Variants in GTF2A2 observed in about 807,000 individuals in gnomAD.
GTF2A2 encodes transcription initiation factor IIA subunit 2.
A neutral mutation model predicts 14.3 loss-of-function variants in GTF2A2; 9 were observed. That is an observed-to-expected ratio of 0.63 (90% confidence interval 0.38 to 1.10). The LOEUF is 1.10. Ranked by LOEUF, GTF2A2 falls within the 50% of genes least tolerant of loss-of-function variation. The probability of loss-of-function intolerance (pLI) is 0.01; values close to 1 mark genes in which losing one functional copy is unlikely to be tolerated. For synonymous variants in GTF2A2, 56 were observed against 46.0 expected, an observed-to-expected ratio of 1.22 and a Z score of -0.88; for missense variants, 90 against 124.6, an observed-to-expected ratio of 0.72 and a Z score of 1.32.
At position 59,638,841 on chromosome 15, in the gene GTF2A2, C is replaced by T. The variant is rs1177093640; in HGVS notation, c.*291G>A. The T allele has an allele frequency of 3.2e-6, 1 of 311,638 alleles. No individual in the cohort carries two copies. The highest frequency in any genetic ancestry group is 5.9e-6 in the Non-Finnish European group (1 of 169,048). The allele number at this position is 311,638 out of a possible 1,614,324, so 19.3% of individuals were successfully genotyped here. A position where few individuals can be genotyped will look rare whatever the true frequency, so the allele number is the denominator to read the frequency against. ...ATTATCTAATATCTTCATATTGCTA[C>T]CTTAATAGCTTCACCAGTTATTACT... On this transcript the variant is annotated 3_prime_UTR_variant, in exon 5 of 5. Coordinates refer to ENST00000396060, the MANE Select transcript of GTF2A2 (RefSeq NM_004492.3).
At chr15:59,648,460 C>G (rs986612283) in intron 3 of GTF2A2, among the ~76,000 whole-genome samples, 5 of 100,730 alleles carry the variant, frequency 5.0e-5, no homozygotes, top group Non-Finnish European at 1.0e-4. Context: ...GTTACAAATA[C>G]TACTTCAATC....
chr15:59,640,276 C>T (rs1334556835), intron 4 of GTF2A2: 2 of 152,040 alleles, frequency 1.3e-5, no homozygotes, highest in Non-Finnish European at 2.9e-5. Context: ...AAGAGAAACA[C>T]ACTCTAAGGA....
intron 4 of GTF2A2, among the ~76,000 whole-genome samples, chr15:59,639,553 CG>C (rs564780375): frequency 6.6e-6 from 1 of 151,226 alleles, no homozygotes; most frequent in Non-Finnish European, 1.5e-5. Context: ...CTCTGCCCCC[CG>C]GGGGTTCACG....
chr15:59,656,228 G>C (rs1891938515), intron 1 of GTF2A2, among the ~76,000 whole-genome samples: 1 of 152,088 alleles, frequency 6.6e-6, no homozygotes, highest in South Asian at 2.1e-4. Context: ...CCTCAAACAT[G>C]ACAGGCCTAA....
intron 3 of GTF2A2, among the ~76,000 whole-genome samples, chr15:59,644,824 C>T (rs989474355): frequency 6.6e-6 from 1 of 152,156 alleles, no homozygotes; most frequent in Admixed American, 6.5e-5. Flanking sequence ...TAAAGGAGAA[C>T]CTTGGAAAAC....
chr15:59,640,319 G>T (rs12915168), intron 4 of GTF2A2: 4 of 152,092 alleles, frequency 2.6e-5, no homozygotes, highest in Non-Finnish European at 5.9e-5. Flanking sequence ...AGTAAAATAC[G>T]TATCTTTACA....
At position 59,638,492 on chromosome 15, in the gene GTF2A2, C is replaced by T. The variant is rs1423821847; in HGVS notation, c.*640G>A. 6.6e-6 allele frequency: 1 copy of T among 152,122 alleles called. No individual in the cohort carries two copies. Among genetic ancestry groups the T allele is most frequent in the East Asian group, 1.9e-4 (1 of 5,190 alleles). 9.4% of individuals were successfully genotyped at this position (152,122 alleles called of 1,614,324 possible). On this transcript the variant is annotated 3_prime_UTR_variant, in exon 5 of 5. Coordinates refer to ENST00000396060, the MANE Select transcript of GTF2A2 (RefSeq NM_004492.3). ...AATATGGCAAGCTGAAGACACCTGT[C>T]ATGTGGGGGGACTATTTTGTTTGGG...
At chr15:59,656,094 C>T (rs1378570929) in intron 1 of GTF2A2, among the ~76,000 whole-genome samples, 2 of 152,192 alleles carry the variant, frequency 1.3e-5, no homozygotes, top group African/African-American at 4.8e-5. Flanking sequence ...TCAAAATCTC[C>T]CATGGCTTCT....
chr15:59,645,352 G>A (rs1045254469), intron 3 of GTF2A2, among the ~76,000 whole-genome samples: 1 of 152,128 alleles, frequency 6.6e-6, no homozygotes, highest in African/African-American at 2.4e-5. Context: ...GTAACCCTAA[G>A]AAATACCAAC....
intron 3 of GTF2A2, among the ~76,000 whole-genome samples, chr15:59,648,949 A>C (rs1190485714): frequency 6.6e-6 from 1 of 152,062 alleles, no homozygotes; most frequent in African/African-American, 2.4e-5. Flanking sequence ...ACAAAAACAA[A>C]AACAAACAAA....
chr15:59,646,551 T>G (rs1891613589), intron 3 of GTF2A2, among the ~76,000 whole-genome samples: 2 of 152,332 alleles, frequency 1.3e-5, no homozygotes, highest in African/African-American at 4.8e-5. Context: ...AGCCAGTATG[T>G]GAGTATTCAC....
intron 3 of GTF2A2, among the ~76,000 whole-genome samples, chr15:59,644,813 A>G (rs1249488128): frequency 2.6e-5 from 4 of 152,240 alleles, no homozygotes; most frequent in Non-Finnish European, 5.9e-5. Flanking sequence ...AGGTCCTAAG[A>G]TAAAGGAGAA....
In GTF2A2 at chr15:59,639,937, G is replaced by T. The variant is rs531660557; in HGVS notation, c.305-780C>A. On this transcript the variant is annotated intron_variant, in intron 4 of 4. Transcript: ENST00000396060. ...GGCTAATTTTTGTATTTTTAGTAGA[G>T]ATGGAGTTTCACCATGTTGGCCAGG... Among the ~76,000 whole-genome samples, 5 of 152,080 alleles carry T rather than the reference G, an allele frequency of 3.3e-5. No homozygotes were observed. The East Asian group carries it at 9.7e-4, about 29-fold the overall frequency.
rs538381228 is a variant in GTF2A2 at position 59,639,307 on chromosome 15, CTG to C, written c.305-152_305-151del. 170 of 641,808 alleles carry C rather than the reference CTG, an allele frequency of 2.6e-4. 1 individual carries two copies. Among genetic ancestry groups the C allele is most frequent in the Admixed American group, 7.9e-4 (30 of 37,890 alleles). The allele number at this position is 641,808 out of a possible 1,614,324, so 39.8% of individuals were successfully genotyped here. A position where few individuals can be genotyped will look rare whatever the true frequency, so the allele number is the denominator to read the frequency against. ...GGGAAGAACAGGAGGAAAGGTGACA[CTG>C]TAAATATGTTGAACTTCAGTAAGTT... is the stretch of plus-strand genomic sequence containing the variant. On this transcript the variant is annotated intron_variant, in intron 4 of 4. Transcript: ENST00000396060.
At chr15:59,643,058 G>A (rs1180883017) in intron 3 of GTF2A2, among the ~76,000 whole-genome samples, 4 of 146,360 alleles carry the variant, frequency 2.7e-5, no homozygotes, top group East Asian at 4.0e-4. Context: ...GAACCACCGC[G>A]CCTGGCCTAT....
At chr15:59,647,698 C>G (rs149905391) in intron 3 of GTF2A2, among the ~76,000 whole-genome samples, 2 of 152,218 alleles carry the variant, frequency 1.3e-5, no homozygotes, top group Admixed American at 6.5e-5. Context: ...CCCGCCTCAG[C>G]CTTCCAAGTA....
chr15:59,654,615 G>C (rs1891889729), intron 1 of GTF2A2, among the ~76,000 whole-genome samples: 1 of 152,126 alleles, frequency 6.6e-6, no homozygotes. Flanking sequence ...TTACCAACTA[G>C]AACAACGTAT....
chr15:59,653,020 G>A (rs1891839606), intron 1 of GTF2A2: 1 of 152,186 alleles, frequency 6.6e-6, no homozygotes, highest in South Asian at 2.1e-4. Flanking sequence ...TGAAATGTTT[G>A]TGGGGAAAAA....
At chr15:59,650,934 A>T (rs1202005055) in intron 2 of GTF2A2, among the ~76,000 whole-genome samples, 161 bp from the exon 3 acceptor site, 2 of 152,230 alleles carry the variant, frequency 1.3e-5, no homozygotes, top group Non-Finnish European at 2.9e-5. Flanking sequence ...TGAAGCACCA[A>T]GCTTGAAGAC....
Sources: allele counts gnomAD v4.1 joint callset (sites outside exome capture counted in the v4.1 genomes callset), GRCh38; gene constraint gnomAD v4.1.1; transcripts MANE v1.5; gene names NCBI Gene and HGNC (gene_info 2026-07-23, HGNC 2026-07-21).